HOXA3: variants seen among roughly 807,000 people sequenced by gnomAD.
HOXA3 encodes the protein homeobox protein Hox-A3.
In HOXA3, 8 loss-of-function variants were observed where a neutral mutation model predicts 30.3. The observed-to-expected ratio is 0.26, with a 90% CI of 0.15 to 0.48. The LOEUF (loss-of-function observed/expected upper bound fraction) is 0.48, where lower values mean the gene tolerates loss of function less well. HOXA3 is among the 20% of genes least tolerant of loss of function. HOXA3 has a pLI of 0.99. For missense variants in HOXA3, 653 were observed against 614.4 expected, an observed-to-expected ratio of 1.06 and a Z score of -0.66; for synonymous variants, 323 against 273.1, an observed-to-expected ratio of 1.18 and a Z score of -1.80.
Position 27,107,896 on chromosome 7 carries a change from C to CT in HOXA3, c.*18_*19insA, listed in dbSNP as rs1784102189. 1.3e-6 allele frequency: 2 copies of CT among 1,496,528 alleles called. No homozygotes were observed. The highest frequency in any genetic ancestry group is 2.8e-5 in the African/African-American group (2 of 70,688). 92.7% of individuals were successfully genotyped at this position (1,496,528 alleles called of 1,614,324 possible). ...TGGGTGGGGGGAGACTCTCCTGGCG[C>CT]GTAGCCCCAAGCCCACTATCACAGG... On this transcript the variant is annotated 3_prime_UTR_variant, in exon 6 of 6. Transcript: ENST00000612286.
chr7:27,108,342 TG>T lies in HOXA3; in HGVS notation c.904del (p.Gln302ArgfsTer74), dbSNP rs761726531. The T allele has an allele frequency of 5.9e-6, 8 of 1,355,492 alleles. No homozygotes were observed. Among genetic ancestry groups the T allele is most frequent in the Non-Finnish European group, 5.9e-6 (6 of 1,013,212 alleles). The allele number at this position is 1,355,492 out of a possible 1,614,324, so 84.0% of individuals were successfully genotyped here. On this transcript the variant is annotated frameshift_variant, in exon 6 of 6. Coordinates refer to ENST00000612286, the MANE Select transcript of HOXA3 (RefSeq NM_153631.3). LOFTEE classifies it high-confidence loss of function. The surrounding 1 kb of genome is among the most constrained non-coding windows in gnomAD (Gnocchi z 5.0). Reference protein sequence around the residue: ...QSPPPFSKPPQGTYGLPPASY... With the variant: ...QSPPPFSKPPXGTYGLPPASY... ...GGCGGGGGGCAGCCCGTAGGTACCC[TG>T]GGGGGGCTTGGAGAAGGGCGGGGGC...
intron 2 of HOXA3, among the ~76,000 whole-genome samples, chr7:27,136,270 T>C (rs559892282): frequency 6.6e-6 from 1 of 152,200 alleles, no homozygotes; most frequent in Non-Finnish European, 1.5e-5. Context: ...CATTTGAAAT[T>C]AGAGGGTGAA....
At chr7:27,124,954 C>T (rs979642829) in intron 3 of HOXA3, among the ~76,000 whole-genome samples, 3 of 152,160 alleles carry the variant, frequency 2.0e-5, no homozygotes, top group African/African-American at 7.2e-5. Flanking sequence ...CATCTGTCCC[C>T]TCCTGAGCCC....
At chr7:27,115,653 A>G (rs1400350879) in intron 4 of HOXA3, 1 of 152,262 alleles carries the variant, frequency 6.6e-6, no homozygotes, top group Admixed American at 6.5e-5. Context: ...CCCTGAAAGC[A>G]TACCTTTCCA....
Position 27,110,096 on chromosome 7 carries a change from C to G in HOXA3, c.526+19G>C, listed in dbSNP as rs768689299. 1.9e-6 allele frequency: 3 copies of G among 1,614,106 alleles called. No homozygotes were observed. Among genetic ancestry groups the G allele is most frequent in the Non-Finnish European group, 2.5e-6 (3 of 1,179,992 alleles). On this transcript the variant is annotated intron_variant, in intron 5 of 5. Coordinates refer to ENST00000612286, the MANE Select transcript of HOXA3 (RefSeq NM_153631.3). ...AGGAGCCAGGCCAGAGGACCCTCTT[C>G]CAGAAGGCACTCCTTTACCTGAGCT...
chr7:27,130,160 G>T (rs776034911), intron 2 of HOXA3: 44 of 1,601,514 alleles, frequency 2.7e-5, no homozygotes, highest in Non-Finnish European at 3.7e-5. Flanking sequence ...TACACCACGG[G>T]CTCCTTGCCC....
chr7:27,107,832 T>TAAAA lies in HOXA3; in HGVS notation c.*79_*82dup, dbSNP rs59078276. 9.2e-6 allele frequency: 5 copies of TAAAA among 545,596 alleles called. No homozygotes were observed. Among genetic ancestry groups the TAAAA allele is most frequent in the Admixed American group, 4.0e-5 (1 of 25,048 alleles). The allele number at this position is 545,596 out of a possible 1,614,324, so 33.8% of individuals were successfully genotyped here. A position where few individuals can be genotyped will look rare whatever the true frequency, so the allele number is the denominator to read the frequency against. ...AAGGAAGGAAAGGGCAGGAAGAACC[T>TAAAA]AAAAAAAAAAAAAAAAAAAAGCAAC... On this transcript the variant is annotated 3_prime_UTR_variant, in exon 6 of 6. Coordinates refer to ENST00000612286, the MANE Select transcript of HOXA3 (RefSeq NM_153631.3).
At chr7:27,130,553 G>T (rs1445959719) in intron 2 of HOXA3, 2 of 1,394,454 alleles carry the variant, frequency 1.4e-6, no homozygotes, top group Non-Finnish European at 1.9e-6. Flanking sequence ...CCCGCGTGAG[G>T]GAGCTGGGGC....
Position 27,108,336 on chromosome 7 carries a change from G to T in HOXA3, c.911C>A (p.Thr304Asn), listed in dbSNP as rs750997164. Residue 304 changes from threonine to asparagine, a missense_variant, in exon 6 of 6, where the codon ACC (threonine) becomes AAC (asparagine). Physicochemically the swap from Thr to Asn is moderately conservative, Grantham distance 65 (BLOSUM62 0). Transcript: ENST00000612286. This position sits in a 1 kb window ranked among gnomAD's most constrained non-coding sequence, Gnocchi z 5.0. ...PPPFSKPPQG[T>N]YGLPPASYPA... Reference sequence around the variant, plus strand: ...GTAGGAGGCGGGGGGCAGCCCGTAGGTACCCTGGGGGGGCTTGGAGAAGGG... The same window carrying T: ...GTAGGAGGCGGGGGGCAGCCCGTAGTTACCCTGGGGGGGCTTGGAGAAGGG... 13 of 1,508,748 alleles carry T rather than the reference G, an allele frequency of 8.6e-6. No individual in the cohort carries two copies. The highest frequency in any genetic ancestry group is 2.8e-5 in the African/African-American group (2 of 72,638). 93.5% of individuals were successfully genotyped at this position (1,508,748 alleles called of 1,614,324 possible). A position where few individuals can be genotyped will look rare whatever the true frequency, so the allele number is the denominator to read the frequency against.
intron 2 of HOXA3, among the ~76,000 whole-genome samples, chr7:27,137,782 C>A (rs776015012): frequency 6.6e-6 from 1 of 152,156 alleles, no homozygotes; most frequent in Non-Finnish European, 1.5e-5. Flanking sequence ...TATTTACAGC[C>A]TGTAATTTTT....
At chr7:27,121,974 G>C (rs143313759) in intron 4 of HOXA3, 2,722 of 153,150 alleles carry the variant, frequency 0.018, 39 homozygotes, top group Middle Eastern at 0.03. Context: ...AAGAACCGAT[G>C]ATGAGCCCTG....
At chr7:27,139,535 C>T (rs1052083825) in intron 2 of HOXA3, among the ~76,000 whole-genome samples, 3 of 152,264 alleles carry the variant, frequency 2.0e-5, no homozygotes, top group Admixed American at 6.5e-5. Context: ...CAAATGACCC[C>T]GGCCCGCGAA....
At chr7:27,150,363 C>T (rs3735530) in intron 1 of HOXA3, 98,415 of 152,310 alleles carry the variant, frequency 0.65, 37,934 homozygotes, top group East Asian at 0.85. Context: ...ACTGTCTGCC[C>T]TTGCCCTGGG....
At position 27,130,705 on chromosome 7, in the gene HOXA3, G is replaced by A. The variant is rs756347275; in HGVS notation, c.-389-3635C>T. The A allele has an allele frequency of 5.6e-6, 9 of 1,608,460 alleles. No individual in the cohort carries two copies. Among genetic ancestry groups the A allele is most frequent in the South Asian group, 2.2e-5 (2 of 90,470 alleles). ...AGGGAACTTGGGCTCGATGTAGTTG[G>A]AGTTTATCAAAAACGAGCTCATGGT... On this transcript the variant is annotated intron_variant, in intron 2 of 5. Coordinates refer to ENST00000612286, the MANE Select transcript of HOXA3 (RefSeq NM_153631.3).
intron 1 of HOXA3, chr7:27,143,728 G>T (rs930626135): frequency 4.2e-6 from 6 of 1,443,060 alleles, no homozygotes; most frequent in Non-Finnish European, 5.5e-6. Flanking sequence ...TCCCTCCTAC[G>T]TAGGCACCCA....
At chr7:27,147,070 C>T (rs1042578699) in intron 1 of HOXA3, 2 of 569,716 alleles carry the variant, frequency 3.5e-6, no homozygotes, top group Non-Finnish European at 6.2e-6. Flanking sequence ...GCCAGTGCCC[C>T]CATCCTCCCC....
At chr7:27,130,233 C>G (rs1206267146) in intron 2 of HOXA3, 27 of 1,382,486 alleles carry the variant, frequency 2.0e-5, no homozygotes, top group Non-Finnish European at 2.5e-5. Context: ...TGCCCCCTGC[C>G]GGGACGCCTG....
At chr7:27,146,130 T>C (rs1782756201) in intron 1 of HOXA3, among the ~76,000 whole-genome samples, 1 of 152,162 alleles carries the variant, frequency 6.6e-6, no homozygotes, top group Non-Finnish European at 1.5e-5. Context: ...GGGTGGACAT[T>C]ATCGTTTTTG....
Position 27,108,744 on chromosome 7 carries a change from G to A in HOXA3, c.527-24C>T. On this transcript the variant is annotated intron_variant, in intron 5 of 5. Transcript: ENST00000612286. The surrounding 1 kb of genome is among the most constrained non-coding windows in gnomAD (Gnocchi z 5.0). ...GCCTGCGAGGACAGAGAGAGGAAGA[G>A]CGGCGTCAGGGGCTGCCGCGGCCCC... The A allele has an allele frequency of 6.4e-7, 1 of 1,551,700 alleles. No individual in the cohort carries two copies.
Sources: allele counts gnomAD v4.1 joint callset (sites outside exome capture counted in the v4.1 genomes callset), GRCh38; gene constraint gnomAD v4.1.1; non-coding constraint Gnocchi (gnomAD v3.1); transcripts MANE v1.5; gene names NCBI Gene and HGNC (gene_info 2026-07-23, HGNC 2026-07-21).